Variants in LRP6 observed in about 807,000 individuals in gnomAD.
The protein encoded by LRP6 is LDL receptor related protein 6, also known as low-density lipoprotein receptor-related protein 6.
In LRP6, 43 loss-of-function variants were observed where a neutral mutation model predicts 184.1. The ratio of observed to expected loss-of-function variants is 0.23; its 90% confidence interval spans 0.18 to 0.30. LRP6 has a LOEUF of 0.30. Ranked by LOEUF, LRP6 falls within the 10% of genes least tolerant of loss-of-function variation. The pLI is 1.00. For synonymous variants in LRP6, 719 were observed against 684.9 expected (o/e 1.05, Z -0.78); for missense variants, 1,571 against 2,005.3 (o/e 0.78, Z 4.14).
intron 1 of LRP6, among the ~76,000 whole-genome samples, chr12:12,258,088 G>C (rs1865516590): frequency 6.6e-6 from 1 of 151,936 alleles, no homozygotes; most frequent in Non-Finnish European, 1.5e-5. Context: ...TTTTTTAGTA[G>C]TCTATTTAAC....
Position 12,267,025 on chromosome 12 carries a change from G to C in LRP6, c.-290C>G, listed in dbSNP as rs1355772596. ...CAGCTCCTCATTCAGCCTCTGCCTC[G>C]CGCAGCGGCGCAGGGATACGGTCGG... On this transcript the variant is annotated 5_prime_UTR_variant, in exon 1 of 23. Coordinates refer to ENST00000261349, the MANE Select transcript of LRP6 (RefSeq NM_002336.3). 24 of 468,362 alleles carry C rather than the reference G, an allele frequency of 5.1e-5. No individual in the cohort carries two copies. In the East Asian group the frequency reaches 9.2e-4, roughly 18 times the overall value. The allele number at this position is 468,362 out of a possible 1,614,324, so 29.0% of individuals were successfully genotyped here.
At chr12:12,147,901 G>C (rs1950031726) in intron 14 of LRP6, among the ~76,000 whole-genome samples, 1 of 151,856 alleles carries the variant, frequency 6.6e-6, no homozygotes, top group Non-Finnish European at 1.5e-5. Flanking sequence ...CTTGAGCCCA[G>C]GAGGCAGAGG....
chr12:12,264,624 AAATC>A (rs1865710588), intron 1 of LRP6, among the ~76,000 whole-genome samples: 1 of 152,208 alleles, frequency 6.6e-6, no homozygotes. Context: ...TAAATGCAAC[AAATC>A]AATCAGATTT....
At chr12:12,161,433 A>C (rs181502558) in intron 10 of LRP6, among the ~76,000 whole-genome samples, 163 of 152,064 alleles carry the variant, frequency 1.1e-3, no homozygotes, top group African/African-American at 3.7e-3. Context: ...ATGCCTGGCT[A>C]ATTTTTTTTT....
intron 17 of LRP6, among the ~76,000 whole-genome samples, chr12:12,132,801 C>CTTT (rs1949776556): frequency 6.6e-6 from 1 of 152,184 alleles, no homozygotes; most frequent in South Asian, 2.1e-4. Flanking sequence ...GCTCATGTTG[C>CTTT]AAACCTAAGT....
At chr12:12,263,045 G>T (rs577763001) in intron 1 of LRP6, among the ~76,000 whole-genome samples, 1 of 149,142 alleles carries the variant, frequency 6.7e-6, no homozygotes, top group Non-Finnish European at 1.5e-5. Context: ...CCTGAGGTCG[G>T]GAGTTCGAGA....
chr12:12,245,601 GT>G (rs1220848596), intron 1 of LRP6, among the ~76,000 whole-genome samples: 1 of 152,050 alleles, frequency 6.6e-6, no homozygotes, highest in African/African-American at 2.4e-5. Context: ...TAATAAAACT[GT>G]TACAGTTTGA....
rs1248342642 is a variant in LRP6, at chr12:12,125,432, C to G, written c.4313G>C (p.Gly1438Ala). 3.1e-6 allele frequency: 5 copies of G among 1,613,410 alleles called. No individual in the cohort carries two copies. The highest frequency in any genetic ancestry group is 3.4e-6 in the Non-Finnish European group (4 of 1,179,784). The change falls in exon 21 of 23, where the codon GGA (glycine) becomes GCA (alanine). Residue 1438 changes from glycine (G) to alanine (A), a missense_variant and splice_region_variant. Around this residue, in one of 4 missense-constraint regions of LRP6, gnomAD observed 763 missense variants for 859.5 expected, o/e 0.89. Transcript: ENST00000261349. Reference protein sequence around the residue: ...HPSSLSGSLPGMSRGKSMISS... With the variant: ...HPSSLSGSLPAMSRGKSMISS... Reference sequence around the variant, plus strand: ...GATCATTGATTTACCTCGAGACATTCCTAAAATAAAAGGAGGTTAAAAACT... The same window carrying G: ...GATCATTGATTTACCTCGAGACATTGCTAAAATAAAAGGAGGTTAAAAACT...
rs548347161 is a variant in LRP6, at chr12:12,166,461, C to T, written c.1546-1166G>A. ...GATAAATATTCTGTATTATACAATA[C>T]AAAAATATTACTTTCTTATAAGTTT... On this transcript the variant is annotated intron_variant, in intron 7 of 22. Transcript: ENST00000261349. 3.3e-5 allele frequency among the ~76,000 whole-genome samples: 5 copies of T among 152,250 alleles called. No individual in the cohort carries two copies. In the South Asian group the frequency reaches 8.3e-4, roughly 25 times the overall value.
At chr12:12,156,428 G>C (rs547241442) in intron 12 of LRP6, among the ~76,000 whole-genome samples, 2 of 152,316 alleles carry the variant, frequency 1.3e-5, no homozygotes, top group South Asian at 4.1e-4. Flanking sequence ...AAACTGAGTG[G>C]TGGGGAGTGA....
intron 22 of LRP6, among the ~76,000 whole-genome samples, chr12:12,122,766 A>T (rs1949622091): frequency 6.6e-6 from 1 of 152,144 alleles, no homozygotes; most frequent in Admixed American, 6.5e-5. Context: ...CGGGAGGTGG[A>T]GACTGCAGTA....
At chr12:12,190,957 AC>A (rs1197400067) in intron 3 of LRP6, among the ~76,000 whole-genome samples, 1 of 152,226 alleles carries the variant, frequency 6.6e-6, no homozygotes, top group Non-Finnish European at 1.5e-5. Flanking sequence ...GCTAGGTAAA[AC>A]CCAAGATACA....
At chr12:12,164,145 A>AT (rs1480653323) in intron 9 of LRP6, 128 bp downstream of exon 9, 1 of 824,446 alleles carries the variant, frequency 1.2e-6, no homozygotes, top group African/African-American at 1.7e-5. Context: ...AAAAAAAAAA[A>AT]CTTGAGGGTT....
At chr12:12,169,310 T>A (rs1023367120) in intron 7 of LRP6, among the ~76,000 whole-genome samples, 15 of 152,016 alleles carry the variant, frequency 9.9e-5, no homozygotes. Flanking sequence ...CTCACACTGG[T>A]TCAGATCAAG....
intron 2 of LRP6, among the ~76,000 whole-genome samples, chr12:12,225,190 G>A (rs1864587519): frequency 6.6e-6 from 1 of 152,178 alleles, no homozygotes; most frequent in South Asian, 2.1e-4. Context: ...TCCAGCCTGG[G>A]CGACAAAGCG....
intron 2 of LRP6, among the ~76,000 whole-genome samples, chr12:12,232,005 A>G (rs1373548015): frequency 1.7e-5 from 2 of 116,498 alleles, no homozygotes; most frequent in African/African-American, 6.0e-5. Flanking sequence ...CCTCAAAAAA[A>G]AAAACAAAAA....
At chr12:12,175,020 T>G (rs942384641) in intron 7 of LRP6, among the ~76,000 whole-genome samples, 2 of 152,198 alleles carry the variant, frequency 1.3e-5, no homozygotes, top group Non-Finnish European at 2.9e-5. Flanking sequence ...TTATCTATAC[T>G]ATCAGGTGTT....
At position 12,138,554 on chromosome 12, in the gene LRP6, C is replaced by G. The variant is rs1460349279; in HGVS notation, c.3398-20G>C. 6.3e-7 allele frequency: 1 copy of G among 1,597,196 alleles called. No homozygotes were observed. Among genetic ancestry groups the G allele is most frequent in the East Asian group, 2.2e-5 (1 of 44,760 alleles). On this transcript the variant is annotated intron_variant, in intron 15 of 22. Transcript: ENST00000261349. ...TAGCACCTTGGAAAAGGAGAAAATT[C>G]AACAGAAATGACTCATGTGGGTCAA...
At chr12:12,217,366 GAAAA>G in intron 2 of LRP6, among the ~76,000 whole-genome samples, 1 of 151,770 alleles carries the variant, frequency 6.6e-6, no homozygotes, top group East Asian at 1.9e-4. Context: ...CTAGTTGCAG[GAAAA>G]AAACTCAGGG....
Sources: gnomAD v4.1 joint callset for allele counts (sites outside exome capture counted in the v4.1 genomes callset) on GRCh38, gnomAD v4.1.1 for gene constraint, gnomAD v4.1.1 regional missense constraint, MANE v1.5 for transcripts, NCBI Gene and HGNC (gene_info 2026-07-23, HGNC 2026-07-21) for gene names.